Variants in TASP1 observed in about 807,000 individuals in gnomAD.
TASP1 encodes the protein taspase 1, also known as threonine aspartase 1.
TASP1 carries 16 observed loss-of-function variants against 56.6 expected under a neutral mutation model. The ratio of observed to expected loss-of-function variants is 0.28; its 90% confidence interval spans 0.19 to 0.43. The LOEUF (loss-of-function observed/expected upper bound fraction) is 0.43. TASP1 is among the 20% of genes least tolerant of loss of function. TASP1 has a pLI of 1.00. For synonymous variants in TASP1, 179 were observed against 184.2 expected (o/e 0.97, Z 0.23); for missense variants, 393 against 511.6 (o/e 0.77, Z 2.24).
At chr20:13,605,527 T>A (rs1247419267) in intron 4 of TASP1, among the ~76,000 whole-genome samples, 1 of 151,906 alleles carries the variant, frequency 6.6e-6, no homozygotes, top group East Asian at 1.9e-4. Flanking sequence ...AAATTTTTTT[T>A]TAAATAGCTG....
At chr20:13,410,091 C>T (rs1199573792) in intron 13 of TASP1, among the ~76,000 whole-genome samples, 3 of 152,180 alleles carry the variant, frequency 2.0e-5, no homozygotes, top group Non-Finnish European at 4.4e-5. Flanking sequence ...TCTTTCTGTG[C>T]CTGCCTTACT....
the TASP1 span, among the ~76,000 whole-genome samples, chr20:13,175,312 A>C: frequency 1.3e-5 from 2 of 152,216 alleles, no homozygotes; most frequent in African/African-American, 4.8e-5. Flanking sequence ...AGCCCACAAG[A>C]AAGGAAAATC....
chr20:13,396,242 C>T (rs773653969), intron 13 of TASP1, among the ~76,000 whole-genome samples: 1 of 152,124 alleles, frequency 6.6e-6, no homozygotes, highest in Non-Finnish European at 1.5e-5. Context: ...CAAAAAGACA[C>T]AATTTGTGAA....
chr20:13,267,294 C>T, the TASP1 span, among the ~76,000 whole-genome samples: 1 of 152,162 alleles, frequency 6.6e-6, no homozygotes, highest in Admixed American at 6.5e-5. Context: ...TTACAAACAC[C>T]AAGCCTGTGT....
intron 13 of TASP1, 58 bp downstream of exon 13, chr20:13,417,390 T>G: frequency 1.3e-6 from 2 of 1,588,368 alleles, no homozygotes; most frequent in Admixed American, 3.4e-5. Context: ...CTTAGCTGGT[T>G]AGAGGTTTAT....
At chr20:13,463,391 AAG>A (rs1373096276) in intron 11 of TASP1, among the ~76,000 whole-genome samples, 4 of 152,302 alleles carry the variant, frequency 2.6e-5, no homozygotes, top group Admixed American at 6.5e-5. Flanking sequence ...ATCTAAATGT[AAG>A]AGTAAAAACT....
In TASP1 at chr20:13,613,562, G is replaced by A. The variant is rs748012763; in HGVS notation, c.282+9884C>T. 1.5e-3 allele frequency among the ~76,000 whole-genome samples: 232 copies of A among 151,584 alleles called. 3 individuals are homozygous for A. Among genetic ancestry groups the A allele is most frequent in the Non-Finnish European group, 3.0e-3 (204 of 67,852 alleles). On this transcript the variant is annotated intron_variant, in intron 4 of 13. Coordinates refer to ENST00000337743, the MANE Select transcript of TASP1 (RefSeq NM_017714.3). ...GAAAGCCTATTTTCATCCATGTATT[G>A]AAAAAAAGGCACATGAGATTATTTC...
At chr20:13,591,271 T>C (rs1462129589) in intron 4 of TASP1, among the ~76,000 whole-genome samples, 1 of 151,806 alleles carries the variant, frequency 6.6e-6, no homozygotes, top group Admixed American at 6.6e-5. Flanking sequence ...ATAAAAGAAA[T>C]ATGAATAAAA....
the TASP1 span, chr20:13,117,741 C>T: frequency 6.3e-7 from 1 of 1,594,342 alleles, no homozygotes; most frequent in Non-Finnish European, 8.5e-7. Context: ...AGAGGGCCTG[C>T]TTGTGTCTGT....
chr20:13,181,568 A>T, the TASP1 span, among the ~76,000 whole-genome samples: 2 of 152,188 alleles, frequency 1.3e-5, no homozygotes, highest in Non-Finnish European at 1.5e-5. Flanking sequence ...CCAAATATTG[A>T]CCTTTCCACT....
At chr20:13,257,675 G>T in the TASP1 span, among the ~76,000 whole-genome samples, 1 of 151,820 alleles carries the variant, frequency 6.6e-6, no homozygotes, top group Non-Finnish European at 1.5e-5. Flanking sequence ...GTAAAGCAGT[G>T]TTGGGGTGGA....
At chr20:13,302,171 C>T in the TASP1 span, among the ~76,000 whole-genome samples, 51,760 of 151,978 alleles carry the variant, frequency 0.34, 9,910 homozygotes, top group Admixed American at 0.42. Context: ...TTTCTTACTA[C>T]GGTGAAAATG....
the TASP1 span, among the ~76,000 whole-genome samples, chr20:13,206,602 A>G: frequency 1.3e-5 from 2 of 152,200 alleles, no homozygotes; most frequent in African/African-American, 2.4e-5. Context: ...AAGGTCATTC[A>G]AAACCCAAGA....
At chr20:13,604,260 T>C (rs2048065563) in intron 4 of TASP1, among the ~76,000 whole-genome samples, 1 of 152,100 alleles carries the variant, frequency 6.6e-6, no homozygotes. Context: ...GGTATCTGGG[T>C]CATGGGGGCG....
chr20:13,461,953 T>C (rs567858969), intron 11 of TASP1, among the ~76,000 whole-genome samples: 116 of 152,278 alleles, frequency 7.6e-4, no homozygotes, highest in African/African-American at 2.6e-3. Flanking sequence ...GAGACAATCA[T>C]GTGTCCAGCT....
At chr20:13,580,822 T>C (rs2047093981) in intron 6 of TASP1, 75 bp downstream of exon 6, 15 of 1,472,526 alleles carry the variant, frequency 1.0e-5, no homozygotes, top group South Asian at 5.7e-5. Flanking sequence ...ACCTGGTATG[T>C]AACCAACAGC....
intron 10 of TASP1, among the ~76,000 whole-genome samples, chr20:13,488,107 C>T (rs1284629150): frequency 6.6e-6 from 1 of 151,884 alleles, no homozygotes; most frequent in African/African-American, 2.4e-5. Flanking sequence ...CATTAATAGG[C>T]ATTTTGAAAG....
At chr20:13,385,245 C>T (rs1263907182), downstream of TASP1, among the ~76,000 whole-genome samples, 1 of 152,156 alleles carries the variant, frequency 6.6e-6, no homozygotes, top group African/African-American at 2.4e-5. Context: ...TTCCAACTAC[C>T]GTTAACACCA....
intron 4 of TASP1, among the ~76,000 whole-genome samples, chr20:13,591,308 A>T (rs2047523746): frequency 6.6e-6 from 1 of 152,194 alleles, no homozygotes; most frequent in African/African-American, 2.4e-5. Flanking sequence ...CATAATCAAA[A>T]TGCTGAAAAC....
Sources: gnomAD v4.1 joint callset for allele counts (sites outside exome capture counted in the v4.1 genomes callset) on GRCh38, gnomAD v4.1.1 for gene constraint, MANE v1.5 for transcripts, NCBI Gene and HGNC (gene_info 2026-07-23, HGNC 2026-07-21) for gene names.